Variants in PAK5 observed in about 807,000 individuals in gnomAD.
The protein encoded by PAK5 is serine/threonine-protein kinase PAK 5.
A neutral mutation model predicts 65.9 loss-of-function variants in PAK5; 16 were observed. The observed-to-expected ratio is 0.24, with a 90% CI of 0.16 to 0.37. PAK5 has a LOEUF of 0.37. Among genes scored for constraint, PAK5 ranks in the 10% least tolerant of loss-of-function variants. The probability of loss-of-function intolerance (pLI) is 1.00; values close to 1 mark genes in which losing one functional copy is unlikely to be tolerated. For synonymous variants in PAK5, 371 were observed against 354.9 expected (o/e 1.05, Z -0.51); for missense variants, 785 against 903.9 (o/e 0.87, Z 1.69).
intron 1 of PAK5, among the ~76,000 whole-genome samples, chr20:9,812,459 A>C (rs1009247158): frequency 6.6e-6 from 1 of 152,144 alleles, no homozygotes; most frequent in Non-Finnish European, 1.5e-5. Flanking sequence ...GATTAGCAAA[A>C]ATTTTAAAAA....
chr20:9,826,225 A>G (rs1460563598), intron 1 of PAK5, among the ~76,000 whole-genome samples: 1 of 151,770 alleles, frequency 6.6e-6, no homozygotes, highest in East Asian at 1.9e-4. Context: ...GAAATTTCAC[A>G]CTGTCTGTGT....
intron 1 of PAK5, among the ~76,000 whole-genome samples, chr20:9,795,382 A>G (rs1164953101): frequency 6.6e-6 from 1 of 152,144 alleles, no homozygotes; most frequent in Non-Finnish European, 1.5e-5. Context: ...GTAAATATTT[A>G]AATGTCTTTA....
At chr20:9,775,340 T>G (rs1422552545) in intron 1 of PAK5, among the ~76,000 whole-genome samples, 1 of 152,202 alleles carries the variant, frequency 6.6e-6, no homozygotes, top group African/African-American at 2.4e-5. Flanking sequence ...GGTAAATTCT[T>G]CGCTCAGTTT....
intron 2 of PAK5, among the ~76,000 whole-genome samples, chr20:9,704,136 G>T (rs1330091617): frequency 6.6e-6 from 1 of 152,110 alleles, no homozygotes; most frequent in East Asian, 1.9e-4. Flanking sequence ...TGAAACAGAA[G>T]ATTTTACAAA....
At chr20:9,724,875 A>G (rs923301857) in intron 1 of PAK5, among the ~76,000 whole-genome samples, 1 of 152,152 alleles carries the variant, frequency 6.6e-6, no homozygotes, top group Non-Finnish European at 1.5e-5. Context: ...TTTTAATTGC[A>G]TATGTTAAAA....
intron 1 of PAK5, among the ~76,000 whole-genome samples, chr20:9,711,794 C>T (rs1235861981): frequency 1.3e-5 from 2 of 152,276 alleles, no homozygotes; most frequent in South Asian, 2.1e-4. Flanking sequence ...GGTAATCGTA[C>T]ATTTTCAATA....
chr20:9,562,829 C>A, intron 6 of PAK5, 62 bp downstream of exon 6: 8 of 1,492,556 alleles, frequency 5.4e-6, no homozygotes, highest in Admixed American at 1.9e-5. Flanking sequence ...ATAGTCACTG[C>A]GGCTTTATCC....
intron 7 of PAK5, among the ~76,000 whole-genome samples, chr20:9,556,102 A>C (rs888432162): frequency 6.6e-6 from 1 of 152,218 alleles, no homozygotes; most frequent in Admixed American, 6.5e-5. Flanking sequence ...TGGTTGTTTT[A>C]AGCCACTAAC....
At chr20:9,701,183 G>A (rs568848606) in intron 2 of PAK5, among the ~76,000 whole-genome samples, 3 of 152,288 alleles carry the variant, frequency 2.0e-5, no homozygotes, top group Admixed American at 2.0e-4. Context: ...TATATATATA[G>A]AGATAGCAGT....
chr20:9,739,515 C>A (rs1384644519), intron 1 of PAK5, among the ~76,000 whole-genome samples: 1 of 152,182 alleles, frequency 6.6e-6, no homozygotes, highest in East Asian at 1.9e-4. Context: ...GAAACAGGTA[C>A]ACTAAATTAC....
chr20:9,830,043 C>T (rs1485832978), intron 1 of PAK5, among the ~76,000 whole-genome samples: 1 of 152,122 alleles, frequency 6.6e-6, no homozygotes, highest in African/African-American at 2.4e-5. Flanking sequence ...ATTCCAAGGT[C>T]CCAGCTATGC....
intron 4 of PAK5, chr20:9,577,303 T>A (rs1275046416): frequency 6.6e-6 from 1 of 152,038 alleles, no homozygotes; most frequent in Non-Finnish European, 1.5e-5. Context: ...AGTAGGTAGA[T>A]AACATTGAAG....
At chr20:9,817,775 C>T (rs1162457737) in intron 1 of PAK5, among the ~76,000 whole-genome samples, 2 of 152,064 alleles carry the variant, frequency 1.3e-5, no homozygotes, top group Non-Finnish European at 2.9e-5. Context: ...GTCCATAATC[C>T]AATCTCTTAC....
rs2047889515 is a variant in PAK5 at position 9,697,859 on chromosome 20, CA to C, written c.-12+13426del. Among the ~76,000 whole-genome samples the C allele has an allele frequency of 2.6e-5, 4 of 152,232 alleles. No individual in the cohort carries two copies. The South Asian group carries it at 8.3e-4, about 32-fold the overall frequency. On this transcript the variant is annotated intron_variant, in intron 2 of 9. Transcript: ENST00000353224. ...TATTAACAGCTCTCCTTTTCACTCT[CA>C]AACCAGTCTTGGTTTGGACAATACA...
intron 3 of PAK5, among the ~76,000 whole-genome samples, chr20:9,590,447 T>C (rs940598308): frequency 1.3e-5 from 2 of 152,088 alleles, no homozygotes; most frequent in Non-Finnish European, 2.9e-5. Context: ...TATGGCTGGA[T>C]TTGTGCACCA....
chr20:9,648,866 T>C (rs1391866980), intron 2 of PAK5, among the ~76,000 whole-genome samples: 1 of 152,132 alleles, frequency 6.6e-6, no homozygotes, highest in Non-Finnish European at 1.5e-5. Context: ...GTTTCTTGGG[T>C]CCTGTCATGT....
intron 4 of PAK5, among the ~76,000 whole-genome samples, chr20:9,574,456 C>A (rs1344357916): frequency 6.6e-6 from 1 of 152,154 alleles, no homozygotes; most frequent in Non-Finnish European, 1.5e-5. Context: ...GTCTGACCTG[C>A]GATCCGTCAT....
At chr20:9,608,010 T>C (rs898191987) in intron 3 of PAK5, among the ~76,000 whole-genome samples, 9 of 152,242 alleles carry the variant, frequency 5.9e-5, no homozygotes, top group African/African-American at 2.2e-4. Context: ...GCAGGAACAG[T>C]GTCTGGTGAG....
chr20:9,724,742 CAGG>C (rs2048256323), intron 1 of PAK5, among the ~76,000 whole-genome samples: 1 of 152,048 alleles, frequency 6.6e-6, no homozygotes, highest in African/African-American at 2.4e-5. Flanking sequence ...GAATGGCTTC[CAGG>C]AGTTCTCCAG....
Sources: allele counts gnomAD v4.1 joint callset (sites outside exome capture counted in the v4.1 genomes callset), GRCh38; gene constraint gnomAD v4.1.1; transcripts MANE v1.5; gene names NCBI Gene and HGNC (gene_info 2026-07-23, HGNC 2026-07-21).